Variants in GRM7 observed in about 807,000 individuals in gnomAD.
GRM7 encodes glutamate metabotropic receptor 7.
GRM7 carries 35 observed loss-of-function variants against 84.5 expected under a neutral mutation model. The observed-to-expected ratio is 0.41, with a 90% CI of 0.32 to 0.55. The LOEUF (loss-of-function observed/expected upper bound fraction) is 0.55, where lower values mean the gene tolerates loss of function less well. GRM7 is among the 20% of genes least tolerant of loss of function. GRM7 has a pLI of 0.19. For missense variants in GRM7, 1,003 were observed against 1,194.6 expected (o/e 0.84, Z 2.36); for synonymous variants, 487 against 455.1 (o/e 1.07, Z -0.89).
chr3:6,998,922 G>A (rs1694917972), intron 1 of GRM7, among the ~76,000 whole-genome samples: 2 of 152,208 alleles, frequency 1.3e-5, no homozygotes, highest in Admixed American at 6.5e-5. Context: ...AAGCTGCCAA[G>A]AATGTCTCTG....
At chr3:7,382,092 T>G (rs1694613803) in intron 4 of GRM7, among the ~76,000 whole-genome samples, 1 of 152,190 alleles carries the variant, frequency 6.6e-6, no homozygotes, top group South Asian at 2.1e-4. Context: ...TTTATGAAAT[T>G]CTTTATAATG....
At chr3:7,528,219 G>A (rs1233848798) in intron 7 of GRM7, among the ~76,000 whole-genome samples, 2 of 151,964 alleles carry the variant, frequency 1.3e-5, no homozygotes, top group Non-Finnish European at 2.9e-5. Context: ...TTGGTCTGTT[G>A]AGGGTTTCAG....
chr3:6,861,311 C>T lies in GRM7; in HGVS notation c.-78C>T, dbSNP rs1381646530. 2 of 1,310,444 alleles carry T rather than the reference C, an allele frequency of 1.5e-6. No individual in the cohort carries two copies. Among genetic ancestry groups the T allele is most frequent in the East Asian group, 2.9e-5 (1 of 34,480 alleles). The allele number at this position is 1,310,444 out of a possible 1,614,324, so 81.2% of individuals were successfully genotyped here. A position where few individuals can be genotyped will look rare whatever the true frequency, so the allele number is the denominator to read the frequency against. ...CCTGGGCTTTCCCGGAGGAGCTCGC[C>T]CTGAAGGGCCCGGACCTCGGCGAGC... On this transcript the variant is annotated 5_prime_UTR_variant, in exon 1 of 10. Transcript: ENST00000357716. The surrounding 1 kb of genome is among the most constrained non-coding windows in gnomAD (Gnocchi z 6.4).
chr3:7,198,018 G>C (rs1695936494), intron 2 of GRM7, among the ~76,000 whole-genome samples: 1 of 152,060 alleles, frequency 6.6e-6, no homozygotes, highest in Non-Finnish European at 1.5e-5. Context: ...GATTGTGGAG[G>C]CTGTGCATTT....
intron 1 of GRM7, among the ~76,000 whole-genome samples, chr3:7,021,426 T>C (rs1397905503): frequency 1.3e-5 from 2 of 152,180 alleles, no homozygotes; most frequent in African/African-American, 2.4e-5. Context: ...ATACTGGACT[T>C]TGAGGGATCG....
intron 2 of GRM7, among the ~76,000 whole-genome samples, chr3:7,162,514 T>C (rs1262958926): frequency 6.6e-6 from 1 of 151,900 alleles, no homozygotes; most frequent in Non-Finnish European, 1.5e-5. Flanking sequence ...GAAAGATAAT[T>C]TTAGGTGAAA....
At chr3:7,635,168 G>T (rs1005795078) in intron 8 of GRM7, among the ~76,000 whole-genome samples, 2 of 152,190 alleles carry the variant, frequency 1.3e-5, no homozygotes, top group Non-Finnish European at 2.9e-5. Context: ...GCTAATGGCC[G>T]CCATCTGGAA....
chr3:7,572,849 T>A (rs1407669650), intron 7 of GRM7, among the ~76,000 whole-genome samples: 604 of 24,468 alleles, frequency 0.025, 113 homozygotes, highest in Admixed American at 0.04. Context: ...TATATATATA[T>A]ATATATATAT....
intron 2 of GRM7, among the ~76,000 whole-genome samples, chr3:7,173,916 T>G (rs2125090575): frequency 6.6e-6 from 1 of 152,370 alleles, no homozygotes; most frequent in Admixed American, 6.5e-5. Context: ...ATTATCTCTA[T>G]CCTCTAAATT....
chr3:7,123,344 C>T (rs1405956531), intron 1 of GRM7, among the ~76,000 whole-genome samples: 2 of 152,178 alleles, frequency 1.3e-5, no homozygotes, highest in African/African-American at 4.8e-5. Context: ...TGGGGCCAGG[C>T]ATGGTGGCTC....
At chr3:6,886,245 G>A (rs1695689716) in intron 1 of GRM7, among the ~76,000 whole-genome samples, 1 of 152,010 alleles carries the variant, frequency 6.6e-6, no homozygotes, top group Non-Finnish European at 1.5e-5. Flanking sequence ...ATGGTTAAGA[G>A]TGTAGTCCCG....
chr3:7,023,773 A>C (rs1360355863), intron 1 of GRM7, among the ~76,000 whole-genome samples: 1 of 152,146 alleles, frequency 6.6e-6, no homozygotes, highest in Admixed American at 6.5e-5. Context: ...ACCTCTGTAA[A>C]GACCCTATTT....
chr3:6,964,483 C>A (rs193285635), intron 1 of GRM7, among the ~76,000 whole-genome samples: 1 of 152,132 alleles, frequency 6.6e-6, no homozygotes, highest in African/African-American at 2.4e-5. Context: ...TTCTTGCCCC[C>A]CATGGTGACT....
intron 1 of GRM7, among the ~76,000 whole-genome samples, chr3:7,106,338 CT>C (rs374457974): frequency 4.1e-4 from 62 of 150,268 alleles, no homozygotes; most frequent in African/African-American, 1.4e-3. Flanking sequence ...AGTATGCAGC[CT>C]TTTTTTTTCT....
Position 7,518,419 on chromosome 3 carries a change from G to A in GRM7, c.1515+56697G>A, listed in dbSNP as rs574667707. The stretch of plus-strand genomic sequence containing the variant: ...TGCCATGACACCTTATTTAATTCAG[G>A]TATGATAGGTTTTAAACAAGAGTAT... On this transcript the variant is annotated intron_variant, in intron 7 of 9. Transcript: ENST00000357716. Among the ~76,000 whole-genome samples the A allele has an allele frequency of 3.3e-5, 5 of 152,280 alleles. No homozygotes were observed. In the South Asian group the frequency reaches 1.0e-3, roughly 32 times the overall value.
chr3:7,714,253 A>G (rs965842475), intron 9 of GRM7, among the ~76,000 whole-genome samples: 1 of 152,118 alleles, frequency 6.6e-6, no homozygotes, highest in East Asian at 1.9e-4. Flanking sequence ...TATCTAGTAA[A>G]GAGTAGGACA....
At chr3:7,364,350 T>A (rs1455355913) in intron 4 of GRM7, among the ~76,000 whole-genome samples, 2 of 151,830 alleles carry the variant, frequency 1.3e-5, no homozygotes, top group African/African-American at 4.8e-5. Context: ...GAGGCATTTA[T>A]AAATATGTTT....
At chr3:6,872,637 C>CGGTG (rs975275427) in intron 1 of GRM7, among the ~76,000 whole-genome samples, 1 of 151,986 alleles carries the variant, frequency 6.6e-6, no homozygotes, top group African/African-American at 2.4e-5. Context: ...CGACAGGCCC[C>CGGTG]GGTGTGTGAT....
intron 6 of GRM7, among the ~76,000 whole-genome samples, chr3:7,456,505 T>C (rs1407238358): frequency 7.4e-6 from 1 of 134,286 alleles, no homozygotes; most frequent in Non-Finnish European, 1.7e-5. Context: ...AGAATTACGA[T>C]ATTCAAATCC....
Sources: allele counts gnomAD v4.1 joint callset (sites outside exome capture counted in the v4.1 genomes callset), GRCh38; gene constraint gnomAD v4.1.1; non-coding constraint Gnocchi (gnomAD v3.1); transcripts MANE v1.5; gene names NCBI Gene and HGNC (gene_info 2026-07-23, HGNC 2026-07-21).